CCDC88C: variants seen among roughly 807,000 people sequenced by gnomAD.
CCDC88C encodes the protein coiled-coil and HOOK domain protein 88C, also known as protein Daple.
In CCDC88C, 131 loss-of-function variants were observed where a neutral mutation model predicts 198.8. That is an observed-to-expected ratio of 0.66 (90% CI 0.57 to 0.76). CCDC88C has a LOEUF of 0.76. Ranked by LOEUF, CCDC88C falls within the 30% of genes least tolerant of loss-of-function variation. The pLI is 0.00. For missense variants in CCDC88C, 2,553 were observed against 2,631.6 expected, an observed-to-expected ratio of 0.97 and a Z score of 0.65; for synonymous variants, 1,166 against 1,114.7, an observed-to-expected ratio of 1.05 and a Z score of -0.92.
At position 91,388,734 on chromosome 14, in the gene CCDC88C, G is replaced by A. The variant is rs908938523; in HGVS notation, c.270+19925C>T. On this transcript the variant is annotated intron_variant, in intron 3 of 29. Transcript: ENST00000389857. ...TTCAACCAAACACAGACTGAGATCCGCTCTAACTGTGGGCCATGACTCAAG... is the reference window on the plus strand; with the variant it reads ...TTCAACCAAACACAGACTGAGATCCACTCTAACTGTGGGCCATGACTCAAG... Among the ~76,000 whole-genome samples, 8 of 152,194 alleles carry A rather than the reference G, an allele frequency of 5.3e-5. No individual in the cohort carries two copies. In the South Asian group the frequency reaches 8.3e-4, roughly 16 times the overall value.
rs567733011 is a variant in CCDC88C at position 91,275,016 on chromosome 14, C to T, written c.5059-1363G>A. On this transcript the variant is annotated intron_variant, in intron 29 of 29. Coordinates refer to ENST00000389857, the MANE Select transcript of CCDC88C (RefSeq NM_001080414.4). ...TGACATGCCCTCCCTGCATCATCGA[C>T]GCCCAGAGAGTGGGGGCGCGGTGGG... Among the ~76,000 whole-genome samples the T allele has an allele frequency of 3.3e-5, 5 of 152,244 alleles. No individual in the cohort carries two copies. The South Asian group carries it at 6.2e-4, about 19-fold the overall frequency.
intron 3 of CCDC88C, among the ~76,000 whole-genome samples, chr14:91,393,984 TTAAG>T (rs1283214875): frequency 9.8e-5 from 15 of 152,352 alleles, no homozygotes; most frequent in Non-Finnish European, 8.8e-5. Flanking sequence ...TTTCTGTCCT[TTAAG>T]TAGCCACAAT....
At chr14:91,283,296 A>T (rs1890275272) in intron 26 of CCDC88C, 33 bp downstream of exon 26, 1 of 1,603,578 alleles carries the variant, frequency 6.2e-7, no homozygotes, top group Non-Finnish European at 8.5e-7. Context: ...ACTAGGCCCG[A>T]CGCTCATGGC....
intron 22 of CCDC88C, among the ~76,000 whole-genome samples, chr14:91,296,675 G>A (rs1222484242): frequency 6.6e-6 from 1 of 152,228 alleles, no homozygotes; most frequent in Admixed American, 6.5e-5. Flanking sequence ...CTGGGCAAAA[G>A]GCGTCTGAGA....
At chr14:91,412,510 C>T (rs1886842959) in intron 2 of CCDC88C, among the ~76,000 whole-genome samples, 1 of 151,658 alleles carries the variant, frequency 6.6e-6, no homozygotes, top group Non-Finnish European at 1.5e-5. Context: ...TCTTGGCTCA[C>T]TGCAAGCTCT....
intron 3 of CCDC88C, among the ~76,000 whole-genome samples, chr14:91,390,836 A>C (rs895077972): frequency 1.3e-5 from 2 of 152,200 alleles, no homozygotes; most frequent in Non-Finnish European, 1.5e-5. Context: ...TCAGAACCAG[A>C]GAGCGCAGAG....
At chr14:91,329,384 G>T (rs1468166006) in intron 10 of CCDC88C, among the ~76,000 whole-genome samples, 1 of 152,206 alleles carries the variant, frequency 6.6e-6, no homozygotes, top group African/African-American at 2.4e-5. Flanking sequence ...GACATTCCCT[G>T]ATTAAGTATG....
chr14:91,300,143 G>A, intron 20 of CCDC88C, 73 bp from the exon 21 acceptor site: 1 of 1,542,662 alleles, frequency 6.5e-7, no homozygotes, highest in South Asian at 1.2e-5. Flanking sequence ...CATCCCAGAG[G>A]ATCTGCGTGC....
intron 3 of CCDC88C, among the ~76,000 whole-genome samples, chr14:91,370,603 C>T (rs1894747541): frequency 6.6e-6 from 1 of 152,214 alleles, no homozygotes; most frequent in African/African-American, 2.4e-5. Flanking sequence ...GGAAGAGAAC[C>T]TCTGCCCATA....
chr14:91,414,882 G>C lies in CCDC88C; in HGVS notation c.161+1856C>G, dbSNP rs140146870. On this transcript the variant is annotated intron_variant, in intron 2 of 29. Transcript: ENST00000389857. ...AAACCCTCCCACCCCACACCACCCC[G>C]GCCGAATTTAGCCATGGGCCAAATG... is the stretch of plus-strand genomic sequence containing the variant. Among the ~76,000 whole-genome samples, 3 of 152,008 alleles carry C rather than the reference G, an allele frequency of 2.0e-5. No individual in the cohort carries two copies. The South Asian group carries it at 6.2e-4, about 31-fold the overall frequency.
chr14:91,321,099 G>A, intron 13 of CCDC88C, 21 bp downstream of exon 13: 1 of 1,593,610 alleles, frequency 6.3e-7, no homozygotes, highest in Non-Finnish European at 8.5e-7. Context: ...CTTCCCCGGT[G>A]GCCTAAGGAG....
chr14:91,414,666 T>C (rs925967081), intron 2 of CCDC88C, among the ~76,000 whole-genome samples: 2 of 152,104 alleles, frequency 1.3e-5, no homozygotes, highest in Admixed American at 6.5e-5. Context: ...CGCTCTCTCT[T>C]CTCTTTCCTC....
At chr14:91,373,117 C>T (rs774523029) in intron 3 of CCDC88C, among the ~76,000 whole-genome samples, 1 of 152,106 alleles carries the variant, frequency 6.6e-6, no homozygotes, top group Non-Finnish European at 1.5e-5. Flanking sequence ...CTAGAGATCC[C>T]CAGGAATGCA....
intron 3 of CCDC88C, among the ~76,000 whole-genome samples, chr14:91,372,974 C>T (rs1263628217): frequency 6.6e-6 from 1 of 152,164 alleles, no homozygotes; most frequent in Admixed American, 6.5e-5. Context: ...TCCGGGGCGA[C>T]ACACCATCCT....
chr14:91,330,292 G>A (rs190887016), intron 10 of CCDC88C, among the ~76,000 whole-genome samples: 1 of 152,222 alleles, frequency 6.6e-6, no homozygotes, highest in African/African-American at 2.4e-5. Context: ...CCGCAGAGTC[G>A]GAAGAGAGAG....
chr14:91,356,183 C>T (rs1894032766), intron 4 of CCDC88C, among the ~76,000 whole-genome samples: 1 of 152,080 alleles, frequency 6.6e-6, no homozygotes, highest in African/African-American at 2.4e-5. Flanking sequence ...TAAATACATC[C>T]CTCTGCCCCT....
intron 4 of CCDC88C, among the ~76,000 whole-genome samples, chr14:91,358,469 G>A (rs1190423926): frequency 1.3e-5 from 2 of 152,198 alleles, no homozygotes; most frequent in African/African-American, 4.8e-5. Context: ...TCAGAACAAG[G>A]GAAGTCCTAG....
At chr14:91,344,870 C>T (rs1893466056) in intron 4 of CCDC88C, among the ~76,000 whole-genome samples, 3 of 151,056 alleles carry the variant, frequency 2.0e-5, no homozygotes, top group African/African-American at 2.4e-5. Flanking sequence ...AATCATAGCT[C>T]GCTGCAGCTT....
intron 14 of CCDC88C, 69 bp from the exon 15 acceptor site, chr14:91,314,219 C>T (rs890868206): frequency 3.6e-5 from 47 of 1,290,574 alleles, no homozygotes; most frequent in Middle Eastern, 1.8e-4. Context: ...TGGGCTCACA[C>T]TGGGGATGGG....
Sources: gnomAD v4.1 joint callset for allele counts (sites outside exome capture counted in the v4.1 genomes callset) on GRCh38, gnomAD v4.1.1 for gene constraint, MANE v1.5 for transcripts, NCBI Gene and HGNC (gene_info 2026-07-23, HGNC 2026-07-21) for gene names.